CNRIP1: variants seen among roughly 807,000 people sequenced by gnomAD.
CNRIP1 encodes the protein cannabinoid receptor interacting protein 1.
CNRIP1 carries 10 observed loss-of-function variants against 15.2 expected under a neutral mutation model. That is an observed-to-expected ratio of 0.66 (90% CI 0.41 to 1.12). The LOEUF is 1.12. Ranked by LOEUF, CNRIP1 falls within the 50% of genes most tolerant of loss-of-function variation. The pLI is 0.00. For missense variants in CNRIP1, 211 were observed against 214.7 expected (o/e 0.98, Z 0.11); for synonymous variants, 91 against 83.2 (o/e 1.09, Z -0.51).
intron 2 of CNRIP1, among the ~76,000 whole-genome samples, chr2:68,308,801 T>C: frequency 6.6e-6 from 1 of 152,150 alleles, no homozygotes; most frequent in Non-Finnish European, 1.5e-5. Flanking sequence ...TGCAGAACTT[T>C]TTTTTTCTAC....
downstream of CNRIP1, among the ~76,000 whole-genome samples, chr2:68,292,196 T>TA (rs1412456651): frequency 2.0e-5 from 3 of 152,138 alleles, no homozygotes; most frequent in East Asian, 1.9e-4. Context: ...GGTTAGTACT[T>TA]ACGTTTTAGC....
downstream of CNRIP1, among the ~76,000 whole-genome samples, chr2:68,288,360 G>T (rs1337285857): frequency 6.6e-6 from 1 of 152,076 alleles, no homozygotes; most frequent in Non-Finnish European, 1.5e-5. Context: ...AATGGAGTAG[G>T]GCGTTCCAAG....
At chr2:68,284,810 C>CAAAAAA (rs146572383) in intron 2 of CNRIP1, among the ~76,000 whole-genome samples, 5 of 73,718 alleles carry the variant, frequency 6.8e-5, no homozygotes, top group Admixed American at 4.3e-4. Context: ...GACTCTGTCT[C>CAAAAAA]AAAAAAAAAA....
At position 68,319,435 on chromosome 2, in the gene CNRIP1, G is replaced by A. The variant is rs1460927428; in HGVS notation, c.-35C>T. 6.7e-7 allele frequency: 1 copy of A among 1,490,334 alleles called. No homozygotes were observed. The highest frequency in any genetic ancestry group is 1.3e-5 in the South Asian group (1 of 77,922). 92.3% of individuals were successfully genotyped at this position (1,490,334 alleles called of 1,614,324 possible). ...AGGGTCTGGCGCGGCGGCTCCGGGG[G>A]GCGGAGGACAGCGCCGGCTGCGGCC... On this transcript the variant is annotated 5_prime_UTR_variant, in exon 1 of 3. Coordinates refer to ENST00000263655, the MANE Select transcript of CNRIP1 (RefSeq NM_015463.3).
At chr2:68,290,174 G>A (rs980103344), downstream of CNRIP1, among the ~76,000 whole-genome samples, 9 of 151,936 alleles carry the variant, frequency 5.9e-5, no homozygotes, top group Non-Finnish European at 8.8e-5. Context: ...GATTACAGGC[G>A]TGCACCACCA....
chr2:68,296,679 C>G (rs949907592), intron 2 of CNRIP1, among the ~76,000 whole-genome samples: 1 of 151,928 alleles, frequency 6.6e-6, no homozygotes, highest in East Asian at 1.9e-4. Context: ...CTCTGTCGCC[C>G]AAGGTTGGAG....
chr2:68,306,262 G>C (rs1224954183), intron 2 of CNRIP1, among the ~76,000 whole-genome samples: 2 of 148,252 alleles, frequency 1.3e-5, no homozygotes, highest in Non-Finnish European at 3.0e-5. Flanking sequence ...TGATTGTGCT[G>C]CTGTACTCCA....
In CNRIP1 at chr2:68,284,361, A is replaced by T. The variant is rs770492505; in HGVS notation, c.*67T>A. 6.4e-4 allele frequency: 689 copies of T among 1,077,902 alleles called. 3 individuals carry two copies. The highest frequency in any genetic ancestry group is 8.3e-4 in the Non-Finnish European group (663 of 800,174). The allele number at this position is 1,077,902 out of a possible 1,614,324, so 66.8% of individuals were successfully genotyped here. On this transcript the variant is annotated 3_prime_UTR_variant, in exon 3 of 3. Transcript: ENST00000409559. ...TGAGAAGCCCTCCCCTAGAATGCAA[A>T]GCAAATAATTTGGAAAAAAAAAAAA...
Position 68,293,423 on chromosome 2 carries a change from G to C in CNRIP1, c.*439C>G, listed in dbSNP as rs990317900. ...AGCTGGCAAACACTGCAAGTTACAT[G>C]TTACCATATTACACATGGGAGGACC... is the stretch of plus-strand genomic sequence containing the variant. On this transcript the variant is annotated 3_prime_UTR_variant, in exon 3 of 3. Transcript: ENST00000263655. 6.7e-5 allele frequency: 66 copies of C among 986,602 alleles called. No homozygotes were observed. The highest frequency in any genetic ancestry group is 6.1e-4 in the African/African-American group (35 of 57,256). The allele number at this position is 986,602 out of a possible 1,614,324, so 61.1% of individuals were successfully genotyped here. A position where few individuals can be genotyped will look rare whatever the true frequency, so the allele number is the denominator to read the frequency against.
intron 2 of CNRIP1, among the ~76,000 whole-genome samples, chr2:68,305,459 C>T (rs960847857): frequency 2.0e-5 from 3 of 151,808 alleles, no homozygotes; most frequent in Non-Finnish European, 4.4e-5. Flanking sequence ...AGGGAAATGT[C>T]ATCAGTGTGG....
chr2:68,317,560 A>C (rs1672321818), intron 1 of CNRIP1, among the ~76,000 whole-genome samples: 1 of 152,194 alleles, frequency 6.6e-6, no homozygotes, highest in African/African-American at 2.4e-5. Flanking sequence ...ATTTATTTTA[A>C]GGTTATCTAG....
Position 68,293,470 on chromosome 2 carries a change from A to T in CNRIP1, c.*392T>A. 1 of 1,000,698 alleles carries T rather than the reference A, an allele frequency of 1.0e-6. No individual in the cohort carries two copies. The highest frequency in any genetic ancestry group is 1.2e-6 in the Non-Finnish European group (1 of 838,232). The allele number at this position is 1,000,698 out of a possible 1,614,324, so 62.0% of individuals were successfully genotyped here. A position where few individuals can be genotyped will look rare whatever the true frequency, so the allele number is the denominator to read the frequency against. ...GACCCATACACATTGTTATTTTTAA[A>T]TTTAACATTGAACAAAAAAAAGGAG... On this transcript the variant is annotated 3_prime_UTR_variant, in exon 3 of 3. Coordinates refer to ENST00000263655, the MANE Select transcript of CNRIP1 (RefSeq NM_015463.3).
intron 2 of CNRIP1, among the ~76,000 whole-genome samples, chr2:68,312,093 G>C (rs1205210790): frequency 6.6e-6 from 1 of 151,942 alleles, no homozygotes; most frequent in African/African-American, 2.4e-5. Context: ...CCAGAAAATA[G>C]AAGAATGAAC....
rs763722112 is a variant in CNRIP1, at chr2:68,319,273, C to G, written c.128G>C (p.Gly43Ala). 6.4e-7 allele frequency: 1 copy of G among 1,550,806 alleles called. No homozygotes were observed. Among genetic ancestry groups the G allele is most frequent in the African/African-American group, 1.4e-5 (1 of 73,218 alleles). Reference sequence around the variant, plus strand: ...CTTCACCTCAACCTTGTAGGAGGAGCCGGTGAGCAGCTTGATGGTGCGGTT... The same window carrying G: ...CTTCACCTCAACCTTGTAGGAGGAGGCGGTGAGCAGCTTGATGGTGCGGTT... Reference protein sequence around the residue: ...GQNRTIKLLTGSSYKVEVKIK... With the variant: ...GQNRTIKLLTASSYKVEVKIK... The change falls in exon 1 of 3, where the codon GGC becomes GCC. Residue 43 changes from glycine (G) to alanine (A), a missense_variant. Transcript: ENST00000263655.
At chr2:68,313,941 C>T (rs1273222366) in intron 2 of CNRIP1, among the ~76,000 whole-genome samples, 2 of 152,102 alleles carry the variant, frequency 1.3e-5, no homozygotes, top group African/African-American at 4.8e-5. Context: ...GCTTCTCATC[C>T]ATTAGAATAC....
intron 2 of CNRIP1, among the ~76,000 whole-genome samples, chr2:68,302,032 TTA>T (rs200034502): frequency 6.4e-4 from 98 of 152,064 alleles, no homozygotes; most frequent in African/African-American, 2.3e-3. Context: ...CCCTGAACAA[TTA>T]TCTTTATTAT....
In CNRIP1 at chr2:68,317,133, C is replaced by T. The variant is rs185088326; in HGVS notation, c.330+24G>A. On this transcript the variant is annotated intron_variant, in intron 2 of 2. Coordinates refer to ENST00000263655, the MANE Select transcript of CNRIP1 (RefSeq NM_015463.3). Reference sequence around the variant, plus strand: ...TTTCCATTTTCCATGGCACCATACTCCTATACCCGCAAGCAAGCCTTACCG... The same window carrying T: ...TTTCCATTTTCCATGGCACCATACTTCTATACCCGCAAGCAAGCCTTACCG... 6.8e-3 allele frequency: 10,949 copies of T among 1,614,102 alleles called. 52 individuals carry two copies. The highest frequency in any genetic ancestry group is 7.6e-3 in the Non-Finnish European group (8,987 of 1,179,932).
intron 2 of CNRIP1, 145 bp from the exon 3 acceptor site, chr2:68,294,171 T>C: frequency 1.3e-6 from 1 of 764,612 alleles, no homozygotes; most frequent in Middle Eastern, 3.9e-4. Context: ...AGGCTTTCCT[T>C]TAGTGGTCTA....
intron 2 of CNRIP1, among the ~76,000 whole-genome samples, chr2:68,302,806 C>T (rs971572140): frequency 6.6e-6 from 1 of 151,736 alleles, no homozygotes; most frequent in South Asian, 2.1e-4. Flanking sequence ...CCCCAAATAG[C>T]CAGTTATCCC....
Sources: gnomAD v4.1 joint callset for allele counts (sites outside exome capture counted in the v4.1 genomes callset) on GRCh38, gnomAD v4.1.1 for gene constraint, MANE v1.5 for transcripts, NCBI Gene and HGNC (gene_info 2026-07-23, HGNC 2026-07-21) for gene names.